The following EIF4E2 variants were observed in gnomAD, a reference collection of about 807,000 sequenced individuals.
The protein encoded by EIF4E2 is eukaryotic translation initiation factor 4E family member 2, also known as eukaryotic translation initiation factor 4E type 2.
In EIF4E2, 13 loss-of-function variants were observed where a neutral mutation model predicts 34.2. That is an observed-to-expected ratio of 0.38 (90% confidence interval 0.25 to 0.60). The LOEUF (loss-of-function observed/expected upper bound fraction) is 0.60, where lower values mean the gene tolerates loss of function less well. Among genes scored for constraint, EIF4E2 ranks in the 20% least tolerant of loss-of-function variants. The probability of loss-of-function intolerance (pLI) is 0.62; values close to 1 mark genes in which losing one functional copy is unlikely to be tolerated. For missense variants in EIF4E2, 222 were observed against 315.1 expected (o/e 0.70, Z 2.24); for synonymous variants, 100 against 106.6 (o/e 0.94, Z 0.38).
exon 7 of EIF4E2, chr2:232,582,484 T>G (rs1010073565): frequency 6.6e-6 from 1 of 152,184 alleles, no homozygotes; most frequent in Non-Finnish European, 1.5e-5. Flanking sequence ...GATAAGAAGA[T>G]CTAGCAGTGA....
In EIF4E2 at chr2:232,581,763, G is replaced by A. The variant is rs1245854315; in HGVS notation, c.*820G>A. On this transcript the variant is annotated 3_prime_UTR_variant, in exon 7 of 7. Transcript: ENST00000409098. The surrounding 1 kb of genome is among the most constrained non-coding windows in gnomAD (Gnocchi z 5.2). ...TTTCCCATATGAGCAGACCCTGTGT[G>A]TCAGGCCTGTTTCCCATATGAGCAG... 1 of 152,720 alleles carries A rather than the reference G, an allele frequency of 6.5e-6. No individual in the cohort carries two copies. The highest frequency in any genetic ancestry group is 2.4e-5 in the African/African-American group (1 of 41,448). 9.5% of individuals were successfully genotyped at this position (152,720 alleles called of 1,614,324 possible).
At chr2:232,551,392 CA>C (rs2106230269) in intron 1 of EIF4E2, among the ~76,000 whole-genome samples, 1 of 152,330 alleles carries the variant, frequency 6.6e-6, no homozygotes, top group South Asian at 2.1e-4. Flanking sequence ...GTTTCAGCAT[CA>C]AACAGTTTGG....
At chr2:232,560,117 G>A (rs1028379176) in intron 3 of EIF4E2, among the ~76,000 whole-genome samples, 7 of 152,166 alleles carry the variant, frequency 4.6e-5, no homozygotes, top group Admixed American at 1.3e-4. Flanking sequence ...AGGGTGGTGC[G>A]CCTAGAGGGG....
chr2:232,556,380 C>T (rs555653308), intron 1 of EIF4E2, 36 bp from the exon 2 acceptor site: 41 of 1,550,498 alleles, frequency 2.6e-5, no homozygotes, highest in Middle Eastern at 3.3e-4. Context: ...GAATTGACTT[C>T]GTCACAGAAT....
chr2:232,557,763 G>A, intron 2 of EIF4E2, 121 bp from the exon 3 acceptor site: 1 of 1,141,294 alleles, frequency 8.8e-7, no homozygotes, highest in Non-Finnish European at 1.3e-6. Context: ...ATTGCAGATA[G>A]TTGAGGTTGT....
intron 6 of EIF4E2, among the ~76,000 whole-genome samples, chr2:232,578,428 C>T (rs537666452): frequency 5.9e-5 from 9 of 152,054 alleles, no homozygotes; most frequent in African/African-American, 2.2e-4. Flanking sequence ...GTCAAGAGAT[C>T]GAGACCATCC....
rs1294266524 is a variant in EIF4E2, at chr2:232,551,090, A to G, written c.20+346A>G. The G allele has an allele frequency of 1.3e-5, 8 of 614,684 alleles. No homozygotes were observed. The East Asian group carries it at 1.7e-4, about 13-fold the overall frequency. The allele number at this position is 614,684 out of a possible 1,614,324, so 38.1% of individuals were successfully genotyped here. A position where few individuals can be genotyped will look rare whatever the true frequency, so the allele number is the denominator to read the frequency against. On this transcript the variant is annotated intron_variant, in intron 1 of 6. Transcript: ENST00000258416. ...ACCTCGGCGGTTTGGGTGTTTCCGC[A>G]GTCTGGCAGCGCTGCCTCTGAATCC...
At chr2:232,582,057 T>C (rs1693371874) in exon 7 of EIF4E2, 1 of 152,562 alleles carries the variant, frequency 6.6e-6, no homozygotes, top group South Asian at 2.1e-4. Flanking sequence ...GCTGCAGGCA[T>C]GCTTTAAAAA....
At chr2:232,575,726 A>G (rs994768121) in intron 6 of EIF4E2, among the ~76,000 whole-genome samples, 1 of 152,250 alleles carries the variant, frequency 6.6e-6, no homozygotes, top group Non-Finnish European at 1.5e-5. Context: ...TAGATAAATC[A>G]TTGATTTTTA....
At chr2:232,564,474 C>T (rs1692842864) in intron 4 of EIF4E2, 123 bp downstream of exon 4, 12 of 560,900 alleles carry the variant, frequency 2.1e-5, no homozygotes, top group South Asian at 8.8e-5. Flanking sequence ...TTATTTGAGA[C>T]GGAGTGTCGC....
chr2:232,568,893 C>A (rs372730337), intron 6 of EIF4E2, 52 bp from the exon 7 acceptor site: 26 of 1,611,512 alleles, frequency 1.6e-5, no homozygotes, highest in Middle Eastern at 1.7e-4. Context: ...CTTTCCCTTG[C>A]GTCCCCCTCT....
exon 7 of EIF4E2, chr2:232,582,686 T>A (rs1693387137): frequency 6.6e-6 from 1 of 152,218 alleles, no homozygotes; most frequent in African/African-American, 2.4e-5. Context: ...GGATTTGCCC[T>A]CCTTTGGGCA....
intron 6 of EIF4E2, among the ~76,000 whole-genome samples, chr2:232,576,388 T>C (rs1693218661): frequency 6.6e-6 from 1 of 152,156 alleles, no homozygotes; most frequent in South Asian, 2.1e-4. Context: ...AAACTCAAAA[T>C]AACTCCCACC....
At chr2:232,556,825 G>C (rs898794397) in intron 2 of EIF4E2, among the ~76,000 whole-genome samples, 19 of 152,200 alleles carry the variant, frequency 1.2e-4, no homozygotes, top group African/African-American at 4.1e-4. Context: ...CCACTGCTGA[G>C]TGTTTCAAAT....
chr2:232,576,530 CGAA>C (rs1325358394), intron 6 of EIF4E2, among the ~76,000 whole-genome samples: 1 of 151,906 alleles, frequency 6.6e-6, no homozygotes, highest in Non-Finnish European at 1.5e-5. Flanking sequence ...GGGAGGCAGA[CGAA>C]GAGAACACTC....
intron 6 of EIF4E2, among the ~76,000 whole-genome samples, chr2:232,579,349 T>C (rs1400235938): frequency 1.3e-5 from 2 of 152,228 alleles, no homozygotes; most frequent in African/African-American, 2.4e-5. Flanking sequence ...TAGTTGAAGA[T>C]AGTTGAAGTG....
intron 1 of EIF4E2, among the ~76,000 whole-genome samples, chr2:232,551,544 C>T (rs1692328148): frequency 6.6e-6 from 1 of 152,048 alleles, no homozygotes. Flanking sequence ...ATTTCTAGTC[C>T]CAGATTCACC....
At chr2:232,569,790 G>T (rs181371949), downstream of EIF4E2, 1 of 152,302 alleles carries the variant, frequency 6.6e-6, no homozygotes, top group East Asian at 1.9e-4. Flanking sequence ...AGATCTCAGG[G>T]TTACAGCCCT....
rs1257428708 is a variant in EIF4E2 at position 232,559,780 on chromosome 2, C to CA, written c.270+1769dup. Among the ~76,000 whole-genome samples the CA allele has an allele frequency of 6.7e-5, 7 of 103,836 alleles. No individual in the cohort carries two copies. The East Asian group carries it at 1.4e-3, about 21-fold the overall frequency. The allele number at this position is 103,836 out of a possible 152,430, so 68.1% of individuals were successfully genotyped here. ...GCAACGTGATGAGACCCTGCCTCTA[C>CA]AAAAAAAGTTTAAAATTAGCTGGCT... is the stretch of plus-strand genomic sequence containing the variant. On this transcript the variant is annotated intron_variant, in intron 3 of 6. Coordinates refer to ENST00000258416, the MANE Select transcript of EIF4E2 (RefSeq NM_004846.4).
Sources: gnomAD v4.1 joint callset for allele counts (sites outside exome capture counted in the v4.1 genomes callset) on GRCh38, gnomAD v4.1.1 for gene constraint, Gnocchi (gnomAD v3.1) non-coding constraint, MANE v1.5 for transcripts, NCBI Gene and HGNC (gene_info 2026-07-23, HGNC 2026-07-21) for gene names.